OXR1: variants seen among roughly 807,000 people sequenced by gnomAD.
OXR1 encodes the protein oxidation resistance 1.
OXR1 carries 41 observed loss-of-function variants against 104.6 expected under a neutral mutation model. That is an observed-to-expected ratio of 0.39 (90% confidence interval 0.31 to 0.51). The LOEUF is 0.51. OXR1 is among the 20% of genes least tolerant of loss of function. The pLI, the probability that OXR1 is intolerant of heterozygous loss-of-function variation, is 0.77. For missense variants in OXR1, 955 were observed against 1,031.9 expected (o/e 0.93, Z 1.02); for synonymous variants, 348 against 348.4 (o/e 1.00, Z 0.01).
At chr8:106,680,082 C>G (rs1828000571) in intron 4 of OXR1, among the ~76,000 whole-genome samples, 1 of 151,896 alleles carries the variant, frequency 6.6e-6, no homozygotes, top group African/African-American at 2.4e-5. Context: ...TTCCATGCAT[C>G]TTTAAAATTG....
Position 106,631,225 on chromosome 8 carries a change from T to G in OXR1, c.221-47985T>G, listed in dbSNP as rs185083381. ...CTTATACCCTAGTTCCTTCCTTTAT[T>G]TCCTTAATTTCCACATCTATATAAA... On this transcript the variant is annotated intron_variant, in intron 3 of 16. Transcript: ENST00000517566. Among the ~76,000 whole-genome samples, 109 of 152,304 alleles carry G rather than the reference T, an allele frequency of 7.2e-4. 1 individual carries two copies. The highest frequency in any genetic ancestry group is 1.3e-3 in the Non-Finnish European group (86 of 68,022).
chr8:106,432,142 T>G (rs1819385857), intron 2 of OXR1, among the ~76,000 whole-genome samples: 1 of 152,204 alleles, frequency 6.6e-6, no homozygotes, highest in Non-Finnish European at 1.5e-5. Flanking sequence ...ACTTCCCTAG[T>G]GCATCCCCGA....
At chr8:106,361,622 C>A (rs982939516) in intron 2 of OXR1, among the ~76,000 whole-genome samples, 3 of 152,082 alleles carry the variant, frequency 2.0e-5, no homozygotes, top group African/African-American at 4.8e-5. Flanking sequence ...TTTATAATAA[C>A]CTTTGTAATT....
chr8:106,517,254 G>A (rs1009776740), intron 2 of OXR1, among the ~76,000 whole-genome samples: 1 of 152,096 alleles, frequency 6.6e-6, no homozygotes, highest in Non-Finnish European at 1.5e-5. Flanking sequence ...AGTACTGCTT[G>A]TGTTTGGACT....
At chr8:106,392,939 G>T (rs151178938) in intron 2 of OXR1, among the ~76,000 whole-genome samples, 23 of 152,288 alleles carry the variant, frequency 1.5e-4, no homozygotes, top group Admixed American at 3.3e-4. Context: ...GCCATACGCA[G>T]CTTCAAAACA....
intron 2 of OXR1, among the ~76,000 whole-genome samples, chr8:106,499,256 G>A (rs963132920): frequency 6.6e-6 from 1 of 152,012 alleles, no homozygotes; most frequent in Non-Finnish European, 1.5e-5. Flanking sequence ...TTGCTTGGGA[G>A]ATGATTACCA....
intron 11 of OXR1, among the ~76,000 whole-genome samples, chr8:106,719,518 G>A (rs1832631931): frequency 6.6e-6 from 1 of 152,068 alleles, no homozygotes; most frequent in Admixed American, 6.6e-5. Flanking sequence ...TGTTTTTTGA[G>A]TCATGATCCA....
chr8:106,306,009 T>C (rs1347676708), intron 1 of OXR1, among the ~76,000 whole-genome samples: 1 of 152,082 alleles, frequency 6.6e-6, no homozygotes, highest in Non-Finnish European at 1.5e-5. Flanking sequence ...ATTTTTAGGT[T>C]ACCCTTCTTG....
intron 2 of OXR1, among the ~76,000 whole-genome samples, chr8:106,481,815 A>G (rs1017207937): frequency 6.6e-6 from 1 of 152,076 alleles, no homozygotes; most frequent in Non-Finnish European, 1.5e-5. Flanking sequence ...TTGTCCATTA[A>G]TTTTTATTGT....
intron 2 of OXR1, among the ~76,000 whole-genome samples, chr8:106,455,004 C>T (rs1217553913): frequency 6.6e-6 from 1 of 152,132 alleles, no homozygotes; most frequent in Non-Finnish European, 1.5e-5. Flanking sequence ...GTACTTTTGT[C>T]TGTACCCTTG....
At chr8:106,361,239 C>T (rs1272027538) in intron 2 of OXR1, among the ~76,000 whole-genome samples, 2 of 152,280 alleles carry the variant, frequency 1.3e-5, no homozygotes, top group East Asian at 3.9e-4. Context: ...TAAATGTTAT[C>T]CTTCTAAAAG....
chr8:106,405,190 ATATATATATATAGTGTGTGTGTGT>A (rs1818182156), intron 2 of OXR1, among the ~76,000 whole-genome samples: 1 of 13,296 alleles, frequency 7.5e-5, no homozygotes, highest in Non-Finnish European at 1.2e-4. Flanking sequence ...ATATATATAT[ATATATATATATAGTGTGTGTGTGT>A]GTGTGTGTGT....
rs531732044 is a variant in OXR1 at position 106,302,002 on chromosome 8, T to G, written c.-139+31635T>G. ...GATCAGATAAAAACAAAAGTCAATT[T>G]TGTTAAATTACTGATAATAGGGATA... is the stretch of plus-strand genomic sequence containing the variant. On this transcript the variant is annotated intron_variant, in intron 1 of 16. Transcript: ENST00000517566. 9.2e-5 allele frequency among the ~76,000 whole-genome samples: 14 copies of G among 152,298 alleles called. 1 individual carries two copies. The South Asian group carries it at 2.9e-3, about 32-fold the overall frequency.
At chr8:106,271,073 C>T (rs1811782001) in intron 1 of OXR1, among the ~76,000 whole-genome samples, 1 of 151,962 alleles carries the variant, frequency 6.6e-6, no homozygotes, top group Non-Finnish European at 1.5e-5. Context: ...ACTGGAAAAT[C>T]GCTGAGGGAT....
intron 1 of OXR1, among the ~76,000 whole-genome samples, chr8:106,317,570 T>C (rs1272297431): frequency 1.3e-5 from 2 of 152,198 alleles, no homozygotes; most frequent in Admixed American, 6.5e-5. Context: ...ATGTGTATTT[T>C]TCCTTGCTTC....
At chr8:106,657,119 C>T (rs1320694259) in intron 3 of OXR1, among the ~76,000 whole-genome samples, 1 of 152,112 alleles carries the variant, frequency 6.6e-6, no homozygotes, top group Non-Finnish European at 1.5e-5. Context: ...ACTGTTCTTT[C>T]CCTGTCTAGG....
chr8:106,445,875 C>T (rs1369493148), intron 2 of OXR1, among the ~76,000 whole-genome samples: 1 of 152,150 alleles, frequency 6.6e-6, no homozygotes, highest in Non-Finnish European at 1.5e-5. Context: ...GTTTGTGGAG[C>T]CAGGCTATGT....
chr8:106,518,281 G>A lies in OXR1; in HGVS notation c.24-662G>A, dbSNP rs76524949. Among the ~76,000 whole-genome samples the A allele has an allele frequency of 6.3e-3, 963 of 152,328 alleles. 9 individuals are homozygous for A. The highest frequency in any genetic ancestry group is 0.021 in the African/African-American group (888 of 41,576). On this transcript the variant is annotated intron_variant, in intron 2 of 16. Coordinates refer to ENST00000517566, the MANE Select transcript of OXR1 (RefSeq NM_001198533.2). ...TTGGACTTAGGGTTTAATTACATTA[G>A]TTGTGTAGCTTGAAATGTTTGAAGT...
intron 2 of OXR1, among the ~76,000 whole-genome samples, chr8:106,362,899 G>A (rs970832863): frequency 3.3e-5 from 5 of 152,208 alleles, no homozygotes; most frequent in Admixed American, 1.3e-4. Context: ...GCAAGGAATT[G>A]GTTTAGTAGT....
Sources: allele counts gnomAD v4.1 joint callset (sites outside exome capture counted in the v4.1 genomes callset), GRCh38; gene constraint gnomAD v4.1.1; transcripts MANE v1.5; gene names NCBI Gene and HGNC (gene_info 2026-07-23, HGNC 2026-07-21).